The following PPP2R2B variants were observed in gnomAD, a reference collection of about 807,000 sequenced individuals.
The protein encoded by PPP2R2B is serine/threonine-protein phosphatase 2A 55 kDa regulatory subunit B beta isoform.
A neutral mutation model predicts 46.0 loss-of-function variants in PPP2R2B; 5 were observed. That is an observed-to-expected ratio of 0.11 (90% confidence interval 0.06 to 0.23). The LOEUF (loss-of-function observed/expected upper bound fraction) is 0.23, where lower values mean the gene tolerates loss of function less well. PPP2R2B is among the 10% of genes least tolerant of loss of function. The pLI is 1.00. For synonymous variants in PPP2R2B, 215 were observed against 206.7 expected (o/e 1.04, Z -0.34); for missense variants, 367 against 575.0 (o/e 0.64, Z 3.70).
intron 1 of PPP2R2B, among the ~76,000 whole-genome samples, chr5:146,973,914 A>G (rs1216511735): frequency 6.6e-6 from 1 of 152,210 alleles, no homozygotes; most frequent in Non-Finnish European, 1.5e-5. Flanking sequence ...TGCAAAGCCT[A>G]TAGGGTAAGG....
intron 1 of PPP2R2B, among the ~76,000 whole-genome samples, chr5:146,906,314 T>TATAA (rs1401217663): frequency 6.6e-6 from 1 of 151,702 alleles, no homozygotes; most frequent in Non-Finnish European, 1.5e-5. Flanking sequence ...TCCATTTATT[T>TATAA]ATTTATTTAT....
chr5:146,648,609 A>G (rs1775736017), intron 6 of PPP2R2B, among the ~76,000 whole-genome samples: 2 of 152,292 alleles, frequency 1.3e-5, no homozygotes, highest in Middle Eastern at 3.4e-3. Context: ...TCCTAACATG[A>G]GGAAACCAAA....
intron 2 of PPP2R2B, among the ~76,000 whole-genome samples, chr5:146,738,968 C>T (rs957568504): frequency 1.3e-5 from 2 of 152,086 alleles, no homozygotes; most frequent in Non-Finnish European, 2.9e-5. Flanking sequence ...AAGACACATA[C>T]ATTGTAATAT....
At chr5:146,883,501 A>C (rs1427567159), upstream of PPP2R2B, among the ~76,000 whole-genome samples, 1 of 152,218 alleles carries the variant, frequency 6.6e-6, no homozygotes, top group East Asian at 1.9e-4. Flanking sequence ...ATCATCTTGC[A>C]AAAAGCCCTT....
At chr5:147,043,418 G>A (rs534451258) in intron 1 of PPP2R2B, among the ~76,000 whole-genome samples, 3 of 152,090 alleles carry the variant, frequency 2.0e-5, no homozygotes, top group Non-Finnish European at 4.4e-5. Context: ...AAGACCACGT[G>A]AGGACTCAGT....
At chr5:146,921,228 T>A (rs1001042440) in intron 1 of PPP2R2B, among the ~76,000 whole-genome samples, 2 of 152,230 alleles carry the variant, frequency 1.3e-5, no homozygotes, top group Non-Finnish European at 2.9e-5. Flanking sequence ...TTATTAATGT[T>A]CACATAGTAA....
chr5:146,765,214 T>C (rs1391819724), intron 2 of PPP2R2B, among the ~76,000 whole-genome samples: 1 of 152,210 alleles, frequency 6.6e-6, no homozygotes, highest in Non-Finnish European at 1.5e-5. Flanking sequence ...ATTCATACAT[T>C]ATAAGATGTA....
intron 2 of PPP2R2B, among the ~76,000 whole-genome samples, chr5:146,860,684 C>A (rs1402716139): frequency 2.0e-5 from 3 of 152,176 alleles, no homozygotes; most frequent in Non-Finnish European, 4.4e-5. Flanking sequence ...ATTAAAACCA[C>A]CCTCTGTGTC....
At chr5:146,804,542 G>T (rs1757060016) in intron 2 of PPP2R2B, among the ~76,000 whole-genome samples, 1 of 152,124 alleles carries the variant, frequency 6.6e-6, no homozygotes, top group Non-Finnish European at 1.5e-5. Context: ...GAGAGCCAGG[G>T]TTGTGACTTG....
intron 1 of PPP2R2B, among the ~76,000 whole-genome samples, chr5:146,956,128 A>G (rs1400325764): frequency 6.6e-6 from 1 of 152,128 alleles, no homozygotes; most frequent in Non-Finnish European, 1.5e-5. Flanking sequence ...AGGGATATCA[A>G]CAAAGTCATT....
chr5:146,703,575 G>T (rs1779663512), intron 2 of PPP2R2B, among the ~76,000 whole-genome samples: 2 of 152,162 alleles, frequency 1.3e-5, no homozygotes, highest in African/African-American at 4.8e-5. Context: ...TTTTCCCAGT[G>T]TGAGCTCTTG....
At chr5:147,053,315 T>C (rs1454433591) in intron 1 of PPP2R2B, among the ~76,000 whole-genome samples, 1 of 151,978 alleles carries the variant, frequency 6.6e-6, no homozygotes, top group East Asian at 1.9e-4. Context: ...CCAAGTTTTC[T>C]AATTAGGATG....
intron 1 of PPP2R2B, among the ~76,000 whole-genome samples, chr5:146,993,071 T>C (rs1474954571): frequency 6.6e-6 from 1 of 151,778 alleles, no homozygotes; most frequent in Non-Finnish European, 1.5e-5. Flanking sequence ...GTCTCCTGAG[T>C]AGCTGGGACC....
chr5:146,822,206 G>A (rs1318259567), intron 2 of PPP2R2B, among the ~76,000 whole-genome samples: 1 of 152,192 alleles, frequency 6.6e-6, no homozygotes, highest in Non-Finnish European at 1.5e-5. Context: ...TCAATTTAGA[G>A]CAGAGCCTTG....
intron 2 of PPP2R2B, among the ~76,000 whole-genome samples, chr5:146,848,158 C>T (rs1238086280): frequency 1.3e-5 from 2 of 152,170 alleles, no homozygotes; most frequent in East Asian, 3.9e-4. Flanking sequence ...ATCTTATTAA[C>T]AGATTTTATT....
chr5:147,027,283 C>T (rs1000743420), intron 1 of PPP2R2B, among the ~76,000 whole-genome samples: 2 of 152,070 alleles, frequency 1.3e-5, no homozygotes, highest in Non-Finnish European at 2.9e-5. Context: ...GTACTAAATA[C>T]CACTGCATTG....
intron 2 of PPP2R2B, among the ~76,000 whole-genome samples, chr5:146,703,074 T>C (rs968013722): frequency 6.6e-6 from 1 of 152,256 alleles, no homozygotes; most frequent in Admixed American, 6.5e-5. Context: ...AGAAGGCATC[T>C]ACTTAACATT....
chr5:146,936,864 GTT>G (rs200960195), intron 1 of PPP2R2B, among the ~76,000 whole-genome samples: 3 of 137,192 alleles, frequency 2.2e-5, no homozygotes, highest in African/African-American at 5.3e-5. Context: ...GTGAGCCAGG[GTT>G]TTTTTTTTTT....
chr5:146,709,259 C>T (rs1370942302), intron 2 of PPP2R2B, among the ~76,000 whole-genome samples: 1 of 152,222 alleles, frequency 6.6e-6, no homozygotes. Flanking sequence ...CTGTTTCCTA[C>T]TTAACCATAA....
Sources: allele counts gnomAD v4.1 joint callset (sites outside exome capture counted in the v4.1 genomes callset), GRCh38; gene constraint gnomAD v4.1.1; transcripts MANE v1.5; gene names NCBI Gene and HGNC (gene_info 2026-07-23, HGNC 2026-07-21).